The following PCDHA2 variants were observed in gnomAD, a reference collection of about 807,000 sequenced individuals.
The protein encoded by PCDHA2 is protocadherin alpha-2.
Under a neutral mutation model 66.0 loss-of-function variants are expected in PCDHA2, and 58 were observed. That is an observed-to-expected ratio of 0.88 (90% CI 0.71 to 1.09). PCDHA2 has a LOEUF of 1.09. PCDHA2 is among the 50% of genes least tolerant of loss of function. The probability of loss-of-function intolerance (pLI) is 0.00; values close to 1 mark genes in which losing one functional copy is unlikely to be tolerated. For missense variants in PCDHA2, 1,267 were observed against 1,242.3 expected, an observed-to-expected ratio of 1.02 and a Z score of -0.30; for synonymous variants, 634 against 554.0, an observed-to-expected ratio of 1.14 and a Z score of -2.03.
intron 1 of PCDHA2, among the ~76,000 whole-genome samples, chr5:140,960,371 T>A (rs2095543916): frequency 6.6e-6 from 1 of 152,196 alleles, no homozygotes; most frequent in Non-Finnish European, 1.5e-5. Context: ...TGCCAACTCT[T>A]AAGTGCCAAG....
chr5:140,896,718 T>C (rs1331880145), intron 1 of PCDHA2, among the ~76,000 whole-genome samples: 1 of 152,138 alleles, frequency 6.6e-6, no homozygotes, highest in East Asian at 1.9e-4. Context: ...TTTTGCTTGT[T>C]AATTTGTTTA....
chr5:141,005,701 C>CAAAA (rs59860837), intron 3 of PCDHA2, among the ~76,000 whole-genome samples: 118 of 7,756 alleles, frequency 0.015, 2 homozygotes, highest in East Asian at 0.044. Flanking sequence ...AACTCCGTCT[C>CAAAA]AAAAAAAAAA....
At chr5:141,008,704 T>C (rs1485324733) in intron 3 of PCDHA2, among the ~76,000 whole-genome samples, 1 of 152,236 alleles carries the variant, frequency 6.6e-6, no homozygotes, top group East Asian at 1.9e-4. Context: ...AGTTGGTTTC[T>C]AGTTGCTTGA....
At position 140,856,616 on chromosome 5, in the gene PCDHA2, T is replaced by G. The variant is rs1554148924; in HGVS notation, c.2388+59264T>G. ...TATAAACAAAAAAGACAAAGACAAA[T>G]TCCCAGTGCTTGTTCTGCGGAAGCT... is the stretch of plus-strand genomic sequence containing the variant. On this transcript the variant is annotated intron_variant, in intron 1 of 3. Coordinates refer to ENST00000526136, the MANE Select transcript of PCDHA2 (RefSeq NM_018905.3). The G allele has an allele frequency of 2.5e-6, 4 of 1,597,862 alleles. 1 individual carries two copies. Among genetic ancestry groups the G allele is most frequent in the Non-Finnish European group, 3.4e-6 (4 of 1,167,486 alleles).
rs17119334 is a variant in PCDHA2, at chr5:140,988,093, G to A, written c.2536+5530G>A. On this transcript the variant is annotated intron_variant, in intron 3 of 3. Coordinates refer to ENST00000526136, the MANE Select transcript of PCDHA2 (RefSeq NM_018905.3). ...CTATTTCATGAGTGAGTGCAGCCTCGGGCCTTGTTGGAGAATTTAGAAAGC... is the reference window on the plus strand; with the variant it reads ...CTATTTCATGAGTGAGTGCAGCCTCAGGCCTTGTTGGAGAATTTAGAAAGC... Among the ~76,000 whole-genome samples the A allele has an allele frequency of 6.9e-3, 1,055 of 152,154 alleles. 47 individuals are homozygous for A. The East Asian group carries it at 0.14, about 21-fold the overall frequency.
intron 1 of PCDHA2, chr5:140,841,829 T>C (rs1470654104): frequency 1.9e-6 from 3 of 1,613,780 alleles, no homozygotes; most frequent in Non-Finnish European, 2.5e-6. Context: ...CGTGTTAACC[T>C]ACAGGCTTAG....
At chr5:140,982,273 A>G (rs1554243953) in intron 2 of PCDHA2, 2 of 943,086 alleles carry the variant, frequency 2.1e-6, no homozygotes, top group Non-Finnish European at 3.0e-6. Context: ...CTGGAATAGT[A>G]TAGCAGGCAA....
At position 141,010,091 on chromosome 5, in the gene PCDHA2, A is replaced by G; in HGVS notation, c.*154A>G. The G allele has an allele frequency of 6.2e-7, 1 of 1,612,860 alleles. No individual in the cohort carries two copies. The highest frequency in any genetic ancestry group is 8.5e-7 in the Non-Finnish European group (1 of 1,179,382). ...AGTTCCCTGTGTCTGTCTAGAACGCATTTAACAGGTTTTGTCGTAAAAGCT... is the reference window on the plus strand; with the variant it reads ...AGTTCCCTGTGTCTGTCTAGAACGCGTTTAACAGGTTTTGTCGTAAAAGCT... On this transcript the variant is annotated 3_prime_UTR_variant, in exon 4 of 4. Coordinates refer to ENST00000526136, the MANE Select transcript of PCDHA2 (RefSeq NM_018905.3).
At chr5:140,843,810 T>C in intron 1 of PCDHA2, 1 of 1,274,540 alleles carries the variant, frequency 7.8e-7, no homozygotes, top group Non-Finnish European at 1.1e-6. Context: ...CCGTATTTTA[T>C]AGTGAAAATT....
Position 140,848,651 on chromosome 5 carries a change from G to A in PCDHA2, c.2388+51299G>A. ...TCGTGGGCCGCATCGCGCAGGACCT[G>A]GGGCTGGAGCTGGCGGAGCTGGTGC... is the stretch of plus-strand genomic sequence containing the variant. On this transcript the variant is annotated intron_variant, in intron 1 of 3. Transcript: ENST00000526136. The A allele has an allele frequency of 1.3e-6, 2 of 1,592,962 alleles. 1 individual carries two copies. The highest frequency in any genetic ancestry group is 1.7e-6 in the Non-Finnish European group (2 of 1,163,756).
At chr5:140,850,709 G>T in intron 1 of PCDHA2, 1 of 1,598,236 alleles carries the variant, frequency 6.3e-7, no homozygotes, top group East Asian at 2.2e-5. Context: ...GCAAGCCGAC[G>T]CTGGTGTGTT....
At chr5:140,843,527 A>C (rs2150362053) in intron 1 of PCDHA2, 2 of 1,595,944 alleles carry the variant, frequency 1.3e-6, no homozygotes, top group Non-Finnish European at 1.7e-6. Context: ...CCGGGCGGGC[A>C]AGCCCACTCT....
rs138359227 is a variant in PCDHA2 at position 140,829,964 on chromosome 5, G to A, written c.2388+32612G>A. On this transcript the variant is annotated intron_variant, in intron 1 of 3. Coordinates refer to ENST00000526136, the MANE Select transcript of PCDHA2 (RefSeq NM_018905.3). ...CAGCGCTCGCTTCCCGTTTCGCGTG[G>A]GGCTGTACACGGGCGAGATCAGCAC... The A allele has an allele frequency of 5.0e-6, 8 of 1,613,888 alleles. No individual in the cohort carries two copies. The African/African-American group carries it at 1.1e-4, about 22-fold the overall frequency.
At chr5:140,830,730 G>A (rs1403638856) in intron 1 of PCDHA2, 1 of 211,824 alleles carries the variant, frequency 4.7e-6, no homozygotes, top group African/African-American at 2.3e-5. Context: ...AAATATTCTT[G>A]GATATGTCGT....
chr5:140,978,868 G>C (rs2096826928), intron 1 of PCDHA2, 81 bp from the exon 2 acceptor site: 2 of 1,606,078 alleles, frequency 1.2e-6, no homozygotes, highest in Non-Finnish European at 1.7e-6. Context: ...ATATTTAAGG[G>C]AGTAACTAAT....
At chr5:140,802,113 G>A in intron 1 of PCDHA2, 1 of 1,614,186 alleles carries the variant, frequency 6.2e-7, no homozygotes, top group Non-Finnish European at 8.5e-7. Context: ...CAGTGTAAAG[G>A]GTAACATAGA....
chr5:140,884,811 T>C (rs782097563), intron 1 of PCDHA2: 155 of 1,119,034 alleles, frequency 1.4e-4, no homozygotes, highest in Non-Finnish European at 1.9e-4. Context: ...AACTCTGCTG[T>C]GGACATTATG....
At position 141,011,912 on chromosome 5, in the gene PCDHA2, T is replaced by C. The variant is rs573561005; in HGVS notation, c.*1975T>C. ...ATTATATTATCTATTTAGGCATTAA[T>C]ATAAAAGAGGTAGGAGTCTGTTATT... On this transcript the variant is annotated 3_prime_UTR_variant, in exon 4 of 4. Coordinates refer to ENST00000526136, the MANE Select transcript of PCDHA2 (RefSeq NM_018905.3). 4 of 153,808 alleles carry C rather than the reference T, an allele frequency of 2.6e-5. No individual in the cohort carries two copies. In the South Asian group the frequency reaches 8.3e-4, roughly 32 times the overall value. 9.5% of individuals were successfully genotyped at this position (153,808 alleles called of 1,614,324 possible).
At chr5:141,001,957 G>A in intron 3 of PCDHA2, among the ~76,000 whole-genome samples, 1 of 152,294 alleles carries the variant, frequency 6.6e-6, no homozygotes, top group African/African-American at 2.4e-5. Flanking sequence ...AGGAGGGAGA[G>A]GCGGGGTGTC....
Sources: gnomAD v4.1 joint callset for allele counts (sites outside exome capture counted in the v4.1 genomes callset) on GRCh38, gnomAD v4.1.1 for gene constraint, MANE v1.5 for transcripts, NCBI Gene and HGNC (gene_info 2026-07-23, HGNC 2026-07-21) for gene names.